Variants in BCAS4 observed in about 807,000 individuals in gnomAD.
BCAS4 encodes the protein breast carcinoma-amplified sequence 4.
In BCAS4, 9 loss-of-function variants were observed where a neutral mutation model predicts 15.7. That is an observed-to-expected ratio of 0.57 (90% CI 0.34 to 1.00). The LOEUF (loss-of-function observed/expected upper bound fraction) is 1.00. Ranked by LOEUF, BCAS4 falls within the 50% of genes least tolerant of loss-of-function variation. The pLI is 0.02. For synonymous variants in BCAS4, 101 were observed against 99.5 expected (o/e 1.02, Z -0.09); for missense variants, 225 against 239.1 (o/e 0.94, Z 0.39).
intron 3 of BCAS4, among the ~76,000 whole-genome samples, chr20:50,835,703 C>A (rs553318782): frequency 6.6e-6 from 1 of 152,240 alleles, no homozygotes; most frequent in Non-Finnish European, 1.5e-5. Flanking sequence ...GCGTGAATCT[C>A]CCGGCTGTCA....
chr20:50,875,765 G>A (rs1456329004), intron 4 of BCAS4, among the ~76,000 whole-genome samples: 2 of 151,438 alleles, frequency 1.3e-5, no homozygotes, highest in Non-Finnish European at 2.9e-5. Flanking sequence ...CTGGGTGACA[G>A]AGCGAGACTC....
chr20:50,802,756 C>G (rs1456303395), intron 1 of BCAS4, among the ~76,000 whole-genome samples: 1 of 152,116 alleles, frequency 6.6e-6, no homozygotes, highest in Non-Finnish European at 1.5e-5. Flanking sequence ...CACCTGTAAT[C>G]CCAGCTACTT....
chr20:50,862,256 C>A (rs1461092044), intron 4 of BCAS4, among the ~76,000 whole-genome samples: 6 of 151,932 alleles, frequency 3.9e-5, no homozygotes, highest in Non-Finnish European at 8.8e-5. Context: ...TTGGCACTTG[C>A]TCTCTTTTAC....
At chr20:50,836,947 A>G (rs57712718) in intron 3 of BCAS4, among the ~76,000 whole-genome samples, 2,284 of 152,194 alleles carry the variant, frequency 0.015, 58 homozygotes, top group African/African-American at 0.052. Context: ...GGGTCAAGCA[A>G]TCTGCCCACT....
intron 4 of BCAS4, among the ~76,000 whole-genome samples, chr20:50,849,317 G>A (rs116496924): frequency 0.012 from 1,800 of 152,316 alleles, 40 homozygotes; most frequent in African/African-American, 0.039. Context: ...TGCACAGAGC[G>A]ATGCTGCCCT....
intron 1 of BCAS4, among the ~76,000 whole-genome samples, chr20:50,809,688 CT>C (rs1380999747): frequency 6.6e-6 from 1 of 152,004 alleles, no homozygotes; most frequent in Non-Finnish European, 1.5e-5. Context: ...TTGTAGATTG[CT>C]TTTGGCAGTA....
chr20:50,814,594 C>T (rs1328290500), intron 1 of BCAS4, among the ~76,000 whole-genome samples: 1 of 152,254 alleles, frequency 6.6e-6, no homozygotes, highest in Non-Finnish European at 1.5e-5. Flanking sequence ...CAAAGAACAT[C>T]TTGTTACACA....
intron 4 of BCAS4, among the ~76,000 whole-genome samples, chr20:50,858,250 T>C (rs1030965063): frequency 1.3e-5 from 2 of 152,202 alleles, no homozygotes; most frequent in African/African-American, 4.8e-5. Flanking sequence ...GCATATAACT[T>C]ACATACATCC....
Position 50,830,350 on chromosome 20 carries a change from T to C in BCAS4, c.234T>C (p.Arg78=), listed in dbSNP as rs1481720302. Residue 78 remains arginine, a synonymous_variant, in exon 3 of 5, where the codon CGT becomes CGC. Coordinates refer to ENST00000371608, the MANE Select transcript of BCAS4 (RefSeq NM_198799.4). The part of the protein sequence containing the change: ...PVLKAKLTEM[R]GIYAKVDRLE... The stretch of plus-strand genomic sequence containing the variant: ...TTAAGGCCAAACTGACAGAAATGCG[T>C]GGCATCTATGCCAAAGTGGACCGGC... 7 of 1,613,740 alleles carry C rather than the reference T, an allele frequency of 4.3e-6. No homozygotes were observed. Among genetic ancestry groups the C allele is most frequent in the Non-Finnish European group, 5.9e-6 (7 of 1,179,920 alleles).
intron 2 of BCAS4, among the ~76,000 whole-genome samples, chr20:50,826,443 T>G (rs1308808782): frequency 6.6e-6 from 1 of 152,228 alleles, no homozygotes; most frequent in Non-Finnish European, 1.5e-5. Flanking sequence ...AAGCTGTAGA[T>G]CCAGACCTAA....
At chr20:50,840,681 C>A (rs1006924178) in intron 3 of BCAS4, 5 of 1,613,036 alleles carry the variant, frequency 3.1e-6, no homozygotes, top group Middle Eastern at 1.8e-4. Flanking sequence ...TTTTCTCTTG[C>A]GTCTCTGTCT....
chr20:50,795,612 A>G (rs2087846007), intron 1 of BCAS4, among the ~76,000 whole-genome samples: 1 of 152,144 alleles, frequency 6.6e-6, no homozygotes, highest in Non-Finnish European at 1.5e-5. Context: ...TGCGCTTTCT[A>G]TTTTAAAAGC....
chr20:50,819,062 A>T lies in BCAS4; in HGVS notation c.162+780A>T, dbSNP rs552321515. Among the ~76,000 whole-genome samples, 103 of 152,264 alleles carry T rather than the reference A, an allele frequency of 6.8e-4. 1 individual carries two copies. The highest frequency in any genetic ancestry group is 2.4e-3 in the African/African-American group (98 of 41,556). ...GCCGGGTGTGGTGGCAGGCGCCTGTAATCTTAGCTACTCAGGAGGCTGAGG... is the reference window on the plus strand; with the variant it reads ...GCCGGGTGTGGTGGCAGGCGCCTGTTATCTTAGCTACTCAGGAGGCTGAGG... On this transcript the variant is annotated intron_variant, in intron 2 of 4. Transcript: ENST00000371608.
intron 4 of BCAS4, among the ~76,000 whole-genome samples, chr20:50,854,090 T>G (rs2123826213): frequency 6.6e-6 from 1 of 152,322 alleles, no homozygotes; most frequent in South Asian, 2.1e-4. Flanking sequence ...ATTGCTTTTA[T>G]ATGTTTCCTA....
intron 4 of BCAS4, among the ~76,000 whole-genome samples, chr20:50,849,208 G>T (rs2088581511): frequency 6.6e-6 from 1 of 152,244 alleles, no homozygotes; most frequent in African/African-American, 2.4e-5. Context: ...TGTTCACGAG[G>T]TGTCATTTTG....
At chr20:50,839,597 G>A (rs539877242) in intron 3 of BCAS4, among the ~76,000 whole-genome samples, 1 of 152,238 alleles carries the variant, frequency 6.6e-6, no homozygotes, top group East Asian at 1.9e-4. Flanking sequence ...CTGCCTCCCG[G>A]GTTCAAGTAA....
intron 4 of BCAS4, among the ~76,000 whole-genome samples, chr20:50,854,594 C>T (rs1193955707): frequency 6.6e-6 from 1 of 152,120 alleles, no homozygotes; most frequent in Non-Finnish European, 1.5e-5. Flanking sequence ...AAGAGGTGTC[C>T]CCAGGCTGCC....
intron 3 of BCAS4, 28 bp from the exon 4 acceptor site, chr20:50,841,738 G>A (rs775855073): frequency 3.8e-5 from 61 of 1,613,724 alleles, no homozygotes; most frequent in Non-Finnish European, 4.6e-5. Context: ...GCACAGATGC[G>A]GCATCATGGC....
intron 2 of BCAS4, among the ~76,000 whole-genome samples, chr20:50,824,882 G>A (rs2088260738): frequency 6.6e-6 from 1 of 152,166 alleles, no homozygotes; most frequent in Admixed American, 6.5e-5. Context: ...TCCTGACTTT[G>A]ATATCTTGGC....
Sources: allele counts gnomAD v4.1 joint callset (sites outside exome capture counted in the v4.1 genomes callset), GRCh38; gene constraint gnomAD v4.1.1; transcripts MANE v1.5; gene names NCBI Gene and HGNC (gene_info 2026-07-23, HGNC 2026-07-21).